TDRD15: variants seen among roughly 807,000 people sequenced by gnomAD.
The protein encoded by TDRD15 is tudor domain-containing protein 15.
For synonymous variants in TDRD15, 503 were observed against 314.5 expected (o/e 1.60, Z -6.34); for missense variants, 1,416 against 904.7 (o/e 1.57, Z -7.25).
chr2:21,143,375 C>A lies in TDRD15; in HGVS notation c.*103C>A. 6.1e-6 allele frequency: 3 copies of A among 490,900 alleles called. No homozygotes were observed. Among genetic ancestry groups the A allele is most frequent in the Admixed American group, 3.8e-5 (1 of 26,308 alleles). The allele number at this position is 490,900 out of a possible 1,614,324, so 30.4% of individuals were successfully genotyped here. A position where few individuals can be genotyped will look rare whatever the true frequency, so the allele number is the denominator to read the frequency against. On this transcript the variant is annotated 3_prime_UTR_variant, in exon 4 of 4. Transcript: ENST00000405799. The stretch of plus-strand genomic sequence containing the variant: ...AGAAACAAAAGTGTAAACAAATCTA[C>A]AAAGAGGAAAGATGTCTGTAAGAAC...
At position 21,141,019 on chromosome 2, in the gene TDRD15, A is replaced by G. The variant is rs1183133182; in HGVS notation, c.3552A>G (p.Lys1184=). 2 of 711,864 alleles carry G rather than the reference A, an allele frequency of 2.8e-6. No individual in the cohort carries two copies. Among genetic ancestry groups the G allele is most frequent in the Non-Finnish European group, 5.2e-6 (2 of 383,002 alleles). The allele number at this position is 711,864 out of a possible 1,614,324, so 44.1% of individuals were successfully genotyped here. Reference sequence around the variant, plus strand: ...ACTATCGCCATAATGTGATAAATAAACCTAGTCCAGTAACATATTCCGAAA... The same window carrying G: ...ACTATCGCCATAATGTGATAAATAAGCCTAGTCCAGTAACATATTCCGAAA... ...GNNYRHNVIN[K]PSPVTYSERK... The change falls in exon 4 of 4, where the codon AAA becomes AAG. Residue 1184 remains lysine, a synonymous_variant. Coordinates refer to ENST00000405799, the MANE Select transcript of TDRD15 (RefSeq NM_001306137.2).
downstream of TDRD15, among the ~76,000 whole-genome samples, chr2:21,145,670 A>C (rs997362367): frequency 6.6e-6 from 1 of 152,048 alleles, no homozygotes; most frequent in African/African-American, 2.4e-5. Context: ...ATAAATTTCC[A>C]TACTTGCTAT....
rs745960940 is a variant in TDRD15 at position 21,141,328 on chromosome 2, T to G, written c.3861T>G (p.Pro1287=). ...DLIRPQIKDL[P]QPQIYLNAKV... is the part of the protein sequence containing the mutation. ...TTAGGCCACAGATCAAAGACCTTCC[T>G]CAACCGCAAATTTATTTGAATGCCA... Residue 1287 remains proline, a synonymous_variant, in exon 4 of 4, where the codon CCT becomes CCG. Transcript: ENST00000405799. The G allele has an allele frequency of 1.4e-6, 1 of 715,714 alleles. No homozygotes were observed. The highest frequency in any genetic ancestry group is 1.5e-5 in the South Asian group (1 of 67,502). The allele number at this position is 715,714 out of a possible 1,614,324, so 44.3% of individuals were successfully genotyped here. A position where few individuals can be genotyped will look rare whatever the true frequency, so the allele number is the denominator to read the frequency against.
At chr2:21,124,365 C>T (rs1359851350) in intron 1 of TDRD15, among the ~76,000 whole-genome samples, 1 of 151,882 alleles carries the variant, frequency 6.6e-6, no homozygotes, top group East Asian at 1.9e-4. Context: ...GTGAGAGAGA[C>T]CCTAATGCCA....
intron 2 of TDRD15, among the ~76,000 whole-genome samples, chr2:21,129,158 G>C (rs1398257911): frequency 6.6e-6 from 1 of 151,988 alleles, no homozygotes; most frequent in Non-Finnish European, 1.5e-5. Context: ...AATTTGGGTA[G>C]TTTTCACTTT....
intron 1 of TDRD15, among the ~76,000 whole-genome samples, chr2:21,124,994 A>C (rs1665555422): frequency 7.8e-6 from 1 of 128,672 alleles, no homozygotes; most frequent in South Asian, 2.6e-4. Context: ...ATTGTGTGTG[A>C]GTGTGAGAGA....
Position 21,139,291 on chromosome 2 carries a change from G to A in TDRD15, c.1824G>A (p.Trp608Ter). The A allele has an allele frequency of 1.4e-6, 1 of 712,568 alleles. No homozygotes were observed. 44.1% of individuals were successfully genotyped at this position (712,568 alleles called of 1,614,324 possible). A position where few individuals can be genotyped will look rare whatever the true frequency, so the allele number is the denominator to read the frequency against. Residue 608 changes from tryptophan (W) to a stop codon, truncating the protein, a stop_gained, in exon 4 of 4, where the codon TGG (tryptophan) becomes TGA (stop). Coordinates refer to ENST00000405799, the MANE Select transcript of TDRD15 (RefSeq NM_001306137.2). LOFTEE classifies it low-confidence loss of function (END_TRUNC). ...ATATATTTCCTGTTGAAGATTTATG[G>A]ACTAAGGCTGCAATTGATTATTTTA... ...LAHIFPVEDL[W>*]TKAAIDYFKK...
Position 21,141,687 on chromosome 2 carries a change from A to G in TDRD15, c.4220A>G (p.His1407Arg), listed in dbSNP as rs957583317. 8.4e-6 allele frequency: 6 copies of G among 715,320 alleles called. No homozygotes were observed. The African/African-American group carries it at 1.0e-4, about 13-fold the overall frequency. The allele number at this position is 715,320 out of a possible 1,614,324, so 44.3% of individuals were successfully genotyped here. ...TTAACTGTTCCTCAGCTAGGAATCC[A>G]TGCTTTTCTTAGTGGAGTAAAATGG... ...EFLTVPQLGI[H>R]AFLSGVKWNE... The change falls in exon 4 of 4, where the codon CAT becomes CGT. Residue 1407 changes from histidine to arginine, a missense_variant. By Grantham distance (29) the His-to-Arg change is conservative. Transcript: ENST00000405799.
chr2:21,144,965 C>T (rs551643201), downstream of TDRD15, among the ~76,000 whole-genome samples: 4 of 151,932 alleles, frequency 2.6e-5, no homozygotes, highest in East Asian at 7.7e-4. Flanking sequence ...TGAGGCAGTT[C>T]TCCCAAAAAA....
chr2:21,127,596 T>C lies in TDRD15; in HGVS notation c.-200-5T>C, dbSNP rs1385434557. ...ATCATTTTATCTTTTATTGACTTTA[T>C]CTAGGTCTTATTTCTGCATTCTGAT... On this transcript the variant is annotated splice_polypyrimidine_tract_variant and splice_region_variant and intron_variant, in intron 1 of 3. Coordinates refer to ENST00000405799, the MANE Select transcript of TDRD15 (RefSeq NM_001306137.2). The C allele has an allele frequency of 6.6e-6, 1 of 152,218 alleles. No homozygotes were observed. The highest frequency in any genetic ancestry group is 1.5e-5 in the Non-Finnish European group (1 of 68,032). 9.4% of individuals were successfully genotyped at this position (152,218 alleles called of 1,614,324 possible). A position where few individuals can be genotyped will look rare whatever the true frequency, so the allele number is the denominator to read the frequency against.
At chr2:21,125,777 G>A (rs1282546161) in intron 1 of TDRD15, among the ~76,000 whole-genome samples, 2 of 151,954 alleles carry the variant, frequency 1.3e-5, no homozygotes, top group East Asian at 3.9e-4. Flanking sequence ...ATACATACCC[G>A]TCACACTTTC....
chr2:21,138,725 C>A lies in TDRD15; in HGVS notation c.1258C>A (p.Gln420Lys). Reference sequence around the variant, plus strand: ...GTGTCTACTGAAGACTGTAGGCACACAAGTACTTTGTCCGATGTCTGATTC... The same window carrying A: ...GTGTCTACTGAAGACTGTAGGCACAAAAGTACTTTGTCCGATGTCTGATTC... ...SKCLLKTVGT[Q>K]VLCPMSDSKI... is the part of the protein sequence containing the mutation. The change falls in exon 4 of 4, where the codon CAA (glutamine) becomes AAA (lysine). Residue 420 changes from glutamine to lysine, a missense_variant. By Grantham distance (53) the Gln-to-Lys change is moderately conservative. Transcript: ENST00000405799. The A allele has an allele frequency of 1.4e-6, 1 of 716,006 alleles. No individual in the cohort carries two copies. Among genetic ancestry groups the A allele is most frequent in the Non-Finnish European group, 2.6e-6 (1 of 384,234 alleles). The allele number at this position is 716,006 out of a possible 1,614,324, so 44.4% of individuals were successfully genotyped here.
At chr2:21,131,962 G>A (rs918716389) in intron 2 of TDRD15, among the ~76,000 whole-genome samples, 1 of 152,054 alleles carries the variant, frequency 6.6e-6, no homozygotes, top group Admixed American at 6.6e-5. Context: ...AGAGAGGGTA[G>A]GGAGGGGCTA....
chr2:21,124,529 TGTGA>T (rs1303698644), intron 1 of TDRD15, among the ~76,000 whole-genome samples: 1 of 142,958 alleles, frequency 7.0e-6, no homozygotes, highest in African/African-American at 2.7e-5. Context: ...GGTGTGTGTG[TGTGA>T]GAGAAACCCT....
In TDRD15 at chr2:21,140,546, C is replaced by A; in HGVS notation, c.3079C>A (p.Leu1027Ile). 2 of 703,414 alleles carry A rather than the reference C, an allele frequency of 2.8e-6. No individual in the cohort carries two copies. The highest frequency in any genetic ancestry group is 3.1e-5 in the South Asian group (2 of 64,544). The allele number at this position is 703,414 out of a possible 1,614,324, so 43.6% of individuals were successfully genotyped here. A position where few individuals can be genotyped will look rare whatever the true frequency, so the allele number is the denominator to read the frequency against. ...VCISKYVEDG[L>I]SYRALAIPTD... ...CATATCTAAGTATGTAGAGGATGGTCTCTCATACAGAGCTTTAGCAATACC... is the reference window on the plus strand; with the variant it reads ...CATATCTAAGTATGTAGAGGATGGTATCTCATACAGAGCTTTAGCAATACC... Residue 1027 changes from leucine (L) to isoleucine (I), a missense_variant, in exon 4 of 4, where the codon CTC becomes ATC. Coordinates refer to ENST00000405799, the MANE Select transcript of TDRD15 (RefSeq NM_001306137.2).
chr2:21,129,727 T>C (rs1558295717), intron 2 of TDRD15, among the ~76,000 whole-genome samples: 1 of 152,226 alleles, frequency 6.6e-6, no homozygotes, highest in African/African-American at 2.4e-5. Flanking sequence ...TCTGTTTTTT[T>C]TATCTTTTGT....
At chr2:21,127,287 G>T (rs1665617168) in intron 1 of TDRD15, among the ~76,000 whole-genome samples, 1 of 151,830 alleles carries the variant, frequency 6.6e-6, no homozygotes, top group Non-Finnish European at 1.5e-5. Flanking sequence ...TGTGTCTTTG[G>T]AGGAGCAAAA....
rs749869399 is a variant in TDRD15, at chr2:21,141,194, G to A, written c.3727G>A (p.Ala1243Thr). Reference protein sequence around the residue: ...LKGIKIVPGAAHILENRRVGQ... With the variant: ...LKGIKIVPGATHILENRRVGQ... The stretch of plus-strand genomic sequence containing the variant: ...AGGTATAAAAATTGTCCCTGGAGCT[G>A]CACATATTCTTGAGAACAGGCGTGT... Residue 1243 changes from alanine to threonine, a missense_variant, in exon 4 of 4, where the codon GCA becomes ACA. Coordinates refer to ENST00000405799, the MANE Select transcript of TDRD15 (RefSeq NM_001306137.2). 1 of 714,712 alleles carries A rather than the reference G, an allele frequency of 1.4e-6. No homozygotes were observed. The highest frequency in any genetic ancestry group is 1.5e-5 in the South Asian group (1 of 67,226). 44.3% of individuals were successfully genotyped at this position (714,712 alleles called of 1,614,324 possible).
rs751161606 is a variant in TDRD15, at chr2:21,141,237, A to G, written c.3770A>G (p.Lys1257Arg). 1.4e-6 allele frequency: 1 copy of G among 712,740 alleles called. No individual in the cohort carries two copies. The highest frequency in any genetic ancestry group is 1.5e-5 in the South Asian group (1 of 66,738). The allele number at this position is 712,740 out of a possible 1,614,324, so 44.2% of individuals were successfully genotyped here. The change falls in exon 4 of 4, where the codon AAG (lysine) becomes AGG (arginine). Residue 1257 changes from lysine to arginine, a missense_variant. Lys to Arg is a conservative substitution (Grantham distance 26). Coordinates refer to ENST00000405799, the MANE Select transcript of TDRD15 (RefSeq NM_001306137.2). ...AGGCGTGTGGGCCAAAAATCAGTAA[A>G]GGTTGTATCACAGTCTTTTATCAGA... ...ENRRVGQKSV[K>R]VVSQSFIRAL...
Sources: allele counts gnomAD v4.1 joint callset (sites outside exome capture counted in the v4.1 genomes callset), GRCh38; gene constraint gnomAD v4.1.1; transcripts MANE v1.5; gene names NCBI Gene and HGNC (gene_info 2026-07-23, HGNC 2026-07-21).